Variants in MAP4 observed in about 807,000 individuals in gnomAD.
The protein encoded by MAP4 is microtubule-associated protein 4.
In MAP4, 76 loss-of-function variants were observed where a neutral mutation model predicts 170.2. The ratio of observed to expected loss-of-function variants is 0.45; its 90% CI spans 0.37 to 0.54. The LOEUF is 0.54. Ranked by LOEUF, MAP4 falls within the 20% of genes least tolerant of loss-of-function variation. The pLI, the probability that MAP4 is intolerant of heterozygous loss-of-function variation, is 0.00. For synonymous variants in MAP4, 909 were observed against 994.5 expected, an observed-to-expected ratio of 0.91 and a Z score of 1.62; for missense variants, 2,506 against 2,748.0, an observed-to-expected ratio of 0.91 and a Z score of 1.97.
intron 10 of MAP4, among the ~76,000 whole-genome samples, chr3:47,902,389 A>G (rs2100030526): frequency 6.6e-6 from 1 of 152,030 alleles, no homozygotes; most frequent in East Asian, 1.9e-4. Context: ...AAAAAAAGCC[A>G]GTGGAGTCAG....
chr3:48,058,836 A>G (rs752449916), intron 1 of MAP4, among the ~76,000 whole-genome samples: 2 of 152,010 alleles, frequency 1.3e-5, no homozygotes, highest in Admixed American at 6.6e-5. Context: ...CTGGAGTGCA[A>G]TGGCACTATC....
Position 47,909,394 on chromosome 3 carries a change from G to A in MAP4, c.5027C>T (p.Ala1676Val). 7.4e-6 allele frequency: 12 copies of A among 1,613,802 alleles called. No individual in the cohort carries two copies. The highest frequency in any genetic ancestry group is 8.5e-6 in the Non-Finnish European group (10 of 1,179,764). The change falls in exon 9 of 21, where the codon GCT (alanine) becomes GTT (valine). Residue 1676 changes from alanine (A) to valine (V), a missense_variant. This residue lies in a region of MAP4 where 2,008 missense variants were observed against 2,206.0 expected (regional missense o/e 0.91). Transcript: ENST00000683076. ...GCTTTCCAATTCCGTGATTTTACAA[G>A]CCAGACTAATTTCTTTCAATTTATC... Reference protein sequence around the residue: ...ENDKLKEISLACKITELESVS... With the variant: ...ENDKLKEISLVCKITELESVS...
At chr3:47,936,291 C>T (rs879902045) in intron 3 of MAP4, among the ~76,000 whole-genome samples, 5 of 151,542 alleles carry the variant, frequency 3.3e-5, no homozygotes, top group African/African-American at 9.7e-5. Flanking sequence ...AAAAATTAGC[C>T]GGGTGTGGTG....
At chr3:47,903,532 C>CAA (rs983850258) in intron 9 of MAP4, among the ~76,000 whole-genome samples, 84 of 55,920 alleles carry the variant, frequency 1.5e-3, no homozygotes, top group African/African-American at 4.3e-3. Context: ...GACTCCGTCT[C>CAA]AAAAAAAAAA....
rs2040626491 is a variant in MAP4 at position 47,850,875 on chromosome 3, G to A, written c.*2059C>T. 2 of 126,656 alleles carry A rather than the reference G, an allele frequency of 1.6e-5. No individual in the cohort carries two copies. Among genetic ancestry groups the A allele is most frequent in the Non-Finnish European group, 3.2e-5 (2 of 62,310 alleles). 7.8% of individuals were successfully genotyped at this position (126,656 alleles called of 1,614,324 possible). A position where few individuals can be genotyped will look rare whatever the true frequency, so the allele number is the denominator to read the frequency against. Reference sequence around the variant, plus strand: ...GGTCCCGGCCTTCTCAGGTGCTCTGGAGTGGAGGATCCTTTGAGGGAACTC... The same window carrying A: ...GGTCCCGGCCTTCTCAGGTGCTCTGAAGTGGAGGATCCTTTGAGGGAACTC... On this transcript the variant is annotated 3_prime_UTR_variant, in exon 21 of 21. Transcript: ENST00000683076.
chr3:47,976,043 G>T lies in MAP4; in HGVS notation c.292+1822C>A, dbSNP rs900869856. On this transcript the variant is annotated intron_variant, in intron 3 of 20. Transcript: ENST00000683076. ...AACCTCAGGTGATCCGCCCGCCTCGGTCTCCCAAAGTGCTGGGATTACAGG... is the reference window on the plus strand; with the variant it reads ...AACCTCAGGTGATCCGCCCGCCTCGTTCTCCCAAAGTGCTGGGATTACAGG... 5.9e-5 allele frequency among the ~76,000 whole-genome samples: 9 copies of T among 152,176 alleles called. No individual in the cohort carries two copies. In the East Asian group the frequency reaches 1.7e-3, roughly 29 times the overall value.
intron 2 of MAP4, among the ~76,000 whole-genome samples, chr3:47,992,057 T>C (rs2100092684): frequency 6.6e-6 from 1 of 152,138 alleles, no homozygotes; most frequent in African/African-American, 2.4e-5. Flanking sequence ...AACTTAAAGT[T>C]AGATGTATAA....
At chr3:47,990,308 C>G (rs374884813) in intron 2 of MAP4, among the ~76,000 whole-genome samples, 6 of 152,156 alleles carry the variant, frequency 3.9e-5, no homozygotes, top group African/African-American at 1.2e-4. Context: ...CTTGTTAAAA[C>G]AGACTGCTGG....
intron 2 of MAP4, among the ~76,000 whole-genome samples, chr3:47,984,081 T>G (rs1290897839): frequency 6.6e-6 from 1 of 152,032 alleles, no homozygotes; most frequent in Non-Finnish European, 1.5e-5. Flanking sequence ...CATTTGCACA[T>G]ATCTGTTTAC....
chr3:47,905,170 C>T (rs143343898), intron 9 of MAP4, among the ~76,000 whole-genome samples: 65 of 152,064 alleles, frequency 4.3e-4, no homozygotes, highest in Non-Finnish European at 7.1e-4. Flanking sequence ...TTATGCTGTT[C>T]GACAGAAAAA....
chr3:47,920,523 G>A (rs959399876), intron 5 of MAP4, among the ~76,000 whole-genome samples: 1 of 150,846 alleles, frequency 6.6e-6, no homozygotes, highest in Non-Finnish European at 1.5e-5. Flanking sequence ...GATTACGGGC[G>A]TGTGCCACTG....
At chr3:47,883,247 G>A (rs1377600500) in intron 10 of MAP4, among the ~76,000 whole-genome samples, 1 of 150,956 alleles carries the variant, frequency 6.6e-6, no homozygotes, top group Admixed American at 6.6e-5. Flanking sequence ...TTTTTTTTTG[G>A]AGACCAAGTT....
chr3:47,982,604 G>A (rs1382713069), intron 2 of MAP4, among the ~76,000 whole-genome samples: 2 of 152,142 alleles, frequency 1.3e-5, no homozygotes, highest in South Asian at 2.1e-4. Flanking sequence ...TAAACTTAAT[G>A]TACAAAGAGA....
At chr3:47,857,593 T>C in intron 17 of MAP4, 81 bp from the exon 18 acceptor site, 1 of 959,036 alleles carries the variant, frequency 1.0e-6, no homozygotes, top group Non-Finnish European at 1.7e-6. Context: ...TTAAATCTTC[T>C]CCATGTTCAG....
intron 3 of MAP4, among the ~76,000 whole-genome samples, chr3:47,938,364 C>T (rs2100054277): frequency 1.3e-5 from 2 of 151,988 alleles, no homozygotes; most frequent in Non-Finnish European, 2.9e-5. Context: ...GAGATTCTGT[C>T]TCAAAGGAAA....
At chr3:47,891,356 G>T (rs1198524453) in intron 10 of MAP4, 1 of 1,535,976 alleles carries the variant, frequency 6.5e-7, no homozygotes, top group Non-Finnish European at 8.7e-7. Context: ...TATCTCTTTA[G>T]TAGACAAGAT....
At chr3:48,043,770 T>G (rs1291179159) in intron 1 of MAP4, among the ~76,000 whole-genome samples, 2 of 152,076 alleles carry the variant, frequency 1.3e-5, no homozygotes, top group Non-Finnish European at 2.9e-5. Context: ...TGCAAAACCG[T>G]AAAAGTAAGA....
intron 1 of MAP4, among the ~76,000 whole-genome samples, chr3:48,002,487 G>A (rs1373599221): frequency 4.6e-5 from 7 of 151,724 alleles, no homozygotes; most frequent in Non-Finnish European, 1.0e-4. Flanking sequence ...GCTTGAACCC[G>A]GGAGTTTAAG....
intron 2 of MAP4, among the ~76,000 whole-genome samples, chr3:47,994,924 G>C (rs530840891): frequency 3.8e-4 from 57 of 150,602 alleles, no homozygotes; most frequent in African/African-American, 1.4e-3. Flanking sequence ...ACTCCAGCCT[G>C]TGCAATAGAG....
Sources: gnomAD v4.1 joint callset for allele counts (sites outside exome capture counted in the v4.1 genomes callset) on GRCh38, gnomAD v4.1.1 for gene constraint, gnomAD v4.1.1 regional missense constraint, MANE v1.5 for transcripts, NCBI Gene and HGNC (gene_info 2026-07-23, HGNC 2026-07-21) for gene names.